HPSE2: variants seen among roughly 807,000 people sequenced by gnomAD.
The protein encoded by HPSE2 is inactive heparanase-2.
In HPSE2, 38 loss-of-function variants were observed where a neutral mutation model predicts 60.5. The observed-to-expected ratio is 0.63, with a 90% CI of 0.48 to 0.82. HPSE2 has a LOEUF of 0.82. HPSE2 is among the 40% of genes least tolerant of loss of function. The pLI is 0.00. For synonymous variants in HPSE2, 295 were observed against 293.2 expected, an observed-to-expected ratio of 1.01 and a Z score of -0.06; for missense variants, 713 against 740.4, an observed-to-expected ratio of 0.96 and a Z score of 0.43.
At chr10:99,079,472 A>G (rs552426788) in intron 3 of HPSE2, among the ~76,000 whole-genome samples, 27 of 152,200 alleles carry the variant, frequency 1.8e-4, no homozygotes, top group African/African-American at 6.3e-4. Context: ...TATTGGACAC[A>G]TGGTCAAACT....
At chr10:98,733,288 T>C (rs919177172) in intron 4 of HPSE2, among the ~76,000 whole-genome samples, 1 of 152,040 alleles carries the variant, frequency 6.6e-6, no homozygotes, top group East Asian at 1.9e-4. Context: ...TTCTGCTTAT[T>C]TTTTGTATTT....
At chr10:98,817,237 T>A (rs1951312805) in intron 3 of HPSE2, among the ~76,000 whole-genome samples, 1 of 152,156 alleles carries the variant, frequency 6.6e-6, no homozygotes, top group Non-Finnish European at 1.5e-5. Context: ...AAGTTTCGGA[T>A]TCTTTAATTC....
chr10:98,891,686 C>A (rs1443920501), intron 3 of HPSE2, among the ~76,000 whole-genome samples: 3 of 152,080 alleles, frequency 2.0e-5, no homozygotes, highest in Non-Finnish European at 1.5e-5. Flanking sequence ...GAACTCCTGG[C>A]CTCAAGTGAT....
intron 3 of HPSE2, among the ~76,000 whole-genome samples, chr10:98,875,019 T>C (rs1419149294): frequency 6.6e-6 from 1 of 152,056 alleles, no homozygotes; most frequent in Non-Finnish European, 1.5e-5. Flanking sequence ...TGCCAGTATT[T>C]TATTGAGGAT....
At chr10:98,987,401 G>A (rs1163982369) in intron 3 of HPSE2, among the ~76,000 whole-genome samples, 1 of 152,108 alleles carries the variant, frequency 6.6e-6, no homozygotes, top group Non-Finnish European at 1.5e-5. Flanking sequence ...AAAACCACAT[G>A]ATTATCTCAA....
At chr10:99,249,690 G>T in the HPSE2 span, among the ~76,000 whole-genome samples, 2 of 152,276 alleles carry the variant, frequency 1.3e-5, no homozygotes, top group Admixed American at 6.5e-5. Flanking sequence ...TGGGCAGAAT[G>T]ATATGATTTG....
chr10:98,539,718 T>C (rs545029503), intron 9 of HPSE2, among the ~76,000 whole-genome samples: 1 of 152,268 alleles, frequency 6.6e-6, no homozygotes, highest in East Asian at 1.9e-4. Flanking sequence ...ACTATCTTTC[T>C]TCACTCTCCC....
chr10:98,570,977 T>A (rs1201552323), intron 9 of HPSE2, among the ~76,000 whole-genome samples: 1 of 152,224 alleles, frequency 6.6e-6, no homozygotes, highest in Non-Finnish European at 1.5e-5. Context: ...ATGCTTGTTG[T>A]GGTCTCGCTG....
chr10:98,880,887 AG>A lies in HPSE2; in HGVS notation c.611-136832del, dbSNP rs1212112247. On this transcript the variant is annotated intron_variant, in intron 3 of 11. Coordinates refer to ENST00000370552, the MANE Select transcript of HPSE2 (RefSeq NM_021828.5). The stretch of plus-strand genomic sequence containing the variant: ...GAACTGTGAGAAATTTTATTTTCTT[AG>A]TTTGTTTTGTCAGGTATTCCTAAGA... Among the ~76,000 whole-genome samples the A allele has an allele frequency of 3.3e-5, 5 of 152,012 alleles. No homozygotes were observed. In the East Asian group the frequency reaches 7.7e-4, roughly 24 times the overall value.
rs115583985 is a variant in HPSE2, at chr10:99,120,007, G to A, written c.610+24231C>T. Among the ~76,000 whole-genome samples the A allele has an allele frequency of 2.4e-3, 358 of 152,168 alleles. 3 individuals are homozygous for A. Among genetic ancestry groups the A allele is most frequent in the African/African-American group, 7.5e-3 (313 of 41,500 alleles). ...TTAAAAACCCTGGAAGATAACCTAG[G>A]CAGTACCATCCTGGACATAGGAACA... On this transcript the variant is annotated intron_variant, in intron 3 of 11. Transcript: ENST00000370552.
intron 2 of HPSE2, among the ~76,000 whole-genome samples, chr10:99,164,227 TTATATATATATA>T (rs60497589): frequency 0.068 from 2,283 of 33,558 alleles, 85 homozygotes; most frequent in Non-Finnish European, 0.085. Flanking sequence ...TATTCAAGCA[TTATATATATATA>T]TATATATATA....
intron 10 of HPSE2, among the ~76,000 whole-genome samples, chr10:98,484,330 T>C (rs145648430): frequency 0.04 from 6,092 of 152,254 alleles, 385 homozygotes; most frequent in African/African-American, 0.14. Context: ...CTCCGCCTCC[T>C]GCGTTCAGGC....
At chr10:98,643,523 C>T (rs1946690303) in intron 6 of HPSE2, among the ~76,000 whole-genome samples, 1 of 152,030 alleles carries the variant, frequency 6.6e-6, no homozygotes, top group Admixed American at 6.6e-5. Flanking sequence ...ATAACATGTC[C>T]TTTGCCTCAT....
In HPSE2 at chr10:98,459,539, G is replaced by A; in HGVS notation, c.*35C>T. The stretch of plus-strand genomic sequence containing the variant: ...GGAGTGGAGGAGTGGAAGCAGCCCA[G>A]CAGGCCCACTGGTAGCCGTGAGTGT... On this transcript the variant is annotated 3_prime_UTR_variant, in exon 12 of 12. Coordinates refer to ENST00000370552, the MANE Select transcript of HPSE2 (RefSeq NM_021828.5). 6.2e-7 allele frequency: 1 copy of A among 1,611,496 alleles called. No homozygotes were observed. Among genetic ancestry groups the A allele is most frequent in the Non-Finnish European group, 8.5e-7 (1 of 1,177,648 alleles).
chr10:98,503,228 A>G (rs569003351), intron 9 of HPSE2, among the ~76,000 whole-genome samples: 1 of 151,930 alleles, frequency 6.6e-6, no homozygotes, highest in South Asian at 2.1e-4. Context: ...AAGAAAAAGA[A>G]AAAAAGAAAA....
chr10:99,049,979 A>G (rs1010488729), intron 3 of HPSE2, among the ~76,000 whole-genome samples: 2 of 152,202 alleles, frequency 1.3e-5, no homozygotes, highest in African/African-American at 4.8e-5. Context: ...TAAGCACATG[A>G]AAATATAGAG....
intron 9 of HPSE2, among the ~76,000 whole-genome samples, chr10:98,538,185 A>G (rs1271102940): frequency 6.6e-6 from 1 of 152,156 alleles, no homozygotes; most frequent in African/African-American, 2.4e-5. Context: ...TCTTGATGGT[A>G]GTGGTCCCCC....
intron 2 of HPSE2, among the ~76,000 whole-genome samples, chr10:99,151,509 C>G (rs1033225615): frequency 6.6e-6 from 1 of 152,018 alleles, no homozygotes; most frequent in African/African-American, 2.4e-5. Flanking sequence ...AAACCTCAAG[C>G]ACAAGTACAA....
At chr10:98,529,750 A>G (rs1215806147) in intron 9 of HPSE2, among the ~76,000 whole-genome samples, 1 of 152,098 alleles carries the variant, frequency 6.6e-6, no homozygotes. Flanking sequence ...TTACCACCAA[A>G]TCTATGCATG....
Sources: allele counts gnomAD v4.1 joint callset (sites outside exome capture counted in the v4.1 genomes callset), GRCh38; gene constraint gnomAD v4.1.1; transcripts MANE v1.5; gene names NCBI Gene and HGNC (gene_info 2026-07-23, HGNC 2026-07-21).